CACNA2D3: variants seen among roughly 807,000 people sequenced by gnomAD.
CACNA2D3 encodes voltage-dependent calcium channel subunit alpha-2/delta-3.
Under a neutral mutation model 160.6 loss-of-function variants are expected in CACNA2D3, and 60 were observed. The observed-to-expected ratio is 0.37, with a 90% CI of 0.30 to 0.46. The LOEUF (loss-of-function observed/expected upper bound fraction) is 0.46, where lower values mean the gene tolerates loss of function less well. Ranked by LOEUF, CACNA2D3 falls within the 20% of genes least tolerant of loss-of-function variation. CACNA2D3 has a pLI of 1.00. For missense variants in CACNA2D3, 1,205 were observed against 1,365.0 expected (o/e 0.88, Z 1.85); for synonymous variants, 558 against 492.9 (o/e 1.13, Z -1.75).
chr3:54,304,581 T>A (rs1703554583), intron 2 of CACNA2D3, among the ~76,000 whole-genome samples: 1 of 152,204 alleles, frequency 6.6e-6, no homozygotes. Flanking sequence ...ATTAACATTT[T>A]TCCCCCTTCT....
intron 30 of CACNA2D3, among the ~76,000 whole-genome samples, chr3:54,986,430 GA>G (rs1173276516): frequency 6.6e-6 from 1 of 152,078 alleles, no homozygotes; most frequent in Admixed American, 6.5e-5. Context: ...TTACACACAC[GA>G]AATACAAATG....
At chr3:54,478,998 A>T (rs1041084887) in intron 4 of CACNA2D3, among the ~76,000 whole-genome samples, 2 of 151,394 alleles carry the variant, frequency 1.3e-5, no homozygotes, top group African/African-American at 2.4e-5. Flanking sequence ...CCCCACCCAG[A>T]TCTCACCTTG....
At chr3:54,864,963 C>T (rs139890279) in intron 17 of CACNA2D3, among the ~76,000 whole-genome samples, 184 of 152,306 alleles carry the variant, frequency 1.2e-3, no homozygotes, top group African/African-American at 4.3e-3. Flanking sequence ...GAAAATGAAA[C>T]GAGACACGTA....
intron 17 of CACNA2D3, among the ~76,000 whole-genome samples, chr3:54,867,628 G>A (rs138160949): frequency 2.9e-4 from 44 of 151,824 alleles, no homozygotes; most frequent in African/African-American, 1.0e-3. Flanking sequence ...CCTGATCCAG[G>A]TGCACACACC....
intron 4 of CACNA2D3, among the ~76,000 whole-genome samples, chr3:54,455,815 C>T (rs1428754392): frequency 6.6e-6 from 1 of 152,060 alleles, no homozygotes; most frequent in Admixed American, 6.6e-5. Flanking sequence ...TTTCCAGCAC[C>T]ATTTATTAAA....
intron 11 of CACNA2D3, among the ~76,000 whole-genome samples, chr3:54,717,861 C>T (rs895747084): frequency 3.0e-5 from 4 of 132,256 alleles, no homozygotes; most frequent in African/African-American, 8.6e-5. Context: ...GGTGTATGTG[C>T]GTGCGTGTGT....
At chr3:54,649,499 T>C (rs1699717983) in intron 11 of CACNA2D3, among the ~76,000 whole-genome samples, 1 of 152,230 alleles carries the variant, frequency 6.6e-6, no homozygotes, top group Non-Finnish European at 1.5e-5. Context: ...CTGGGTGGCT[T>C]ATAAACAACA....
intron 5 of CACNA2D3, among the ~76,000 whole-genome samples, chr3:54,551,402 T>C (rs1013498576): frequency 6.6e-5 from 10 of 152,208 alleles, no homozygotes; most frequent in Admixed American, 2.0e-4. Flanking sequence ...ATATCCAGTA[T>C]AGGTGCTAAA....
intron 27 of CACNA2D3, among the ~76,000 whole-genome samples, chr3:54,943,656 G>A (rs1026443703): frequency 6.6e-6 from 1 of 151,534 alleles, no homozygotes; most frequent in Non-Finnish European, 1.5e-5. Flanking sequence ...TTTCCCCCAT[G>A]TGTTTCATCA....
intron 2 of CACNA2D3, among the ~76,000 whole-genome samples, chr3:54,153,652 C>T (rs528233555): frequency 5.3e-5 from 8 of 152,152 alleles, no homozygotes; most frequent in Non-Finnish European, 1.0e-4. Flanking sequence ...ATCTCATGAA[C>T]TTTTAAACAT....
Position 55,073,803 on chromosome 3 carries a change from C to A in CACNA2D3, c.3127C>A (p.Leu1043Ile). The change falls in exon 37 of 38, where the codon CTA (leucine) becomes ATA (isoleucine). Residue 1043 changes from leucine to isoleucine, a missense_variant. Leu to Ile is a conservative substitution (Grantham distance 5, BLOSUM62 2). Around this residue, in one of 3 missense-constraint regions of CACNA2D3, gnomAD observed 911 missense variants for 1,002.2 expected, o/e 0.91. Transcript: ENST00000474759. ...TAATGAATCCCTTAAGTGTGAACGT[C>A]TAAAGGCCCAGAAGATCAGAAGGCG... is the stretch of plus-strand genomic sequence containing the variant. ...RYNESLKCER[L>I]KAQKIRRRPE... 3 of 1,613,776 alleles carry A rather than the reference C, an allele frequency of 1.9e-6. No individual in the cohort carries two copies. Among genetic ancestry groups the A allele is most frequent in the Non-Finnish European group, 2.5e-6 (3 of 1,179,758 alleles).
chr3:54,691,950 C>T (rs1700579791), intron 11 of CACNA2D3, among the ~76,000 whole-genome samples: 1 of 152,052 alleles, frequency 6.6e-6, no homozygotes, highest in South Asian at 2.1e-4. Flanking sequence ...CAGCTGATAA[C>T]TAGTTAAAGT....
chr3:54,991,047 A>G (rs987527529), intron 31 of CACNA2D3, among the ~76,000 whole-genome samples: 5 of 152,050 alleles, frequency 3.3e-5, no homozygotes, highest in African/African-American at 1.2e-4. Context: ...AGTAATAATC[A>G]TGGCTGCGTT....
At chr3:54,736,083 G>A (rs774879301) in intron 11 of CACNA2D3, among the ~76,000 whole-genome samples, 10,029 of 32,614 alleles carry the variant, frequency 0.31, 2,284 homozygotes, top group Non-Finnish European at 0.38. Flanking sequence ...ACATATATAT[G>A]TATGTGTATA....
chr3:54,537,944 G>T (rs925756421), intron 5 of CACNA2D3, among the ~76,000 whole-genome samples: 1 of 152,106 alleles, frequency 6.6e-6, no homozygotes, highest in Non-Finnish European at 1.5e-5. Context: ...ATCTGAGAGG[G>T]CTCGTGGTTC....
intron 4 of CACNA2D3, among the ~76,000 whole-genome samples, chr3:54,418,728 C>A (rs1699795113): frequency 6.6e-6 from 1 of 152,088 alleles, no homozygotes; most frequent in Non-Finnish European, 1.5e-5. Context: ...GAAGAGGATA[C>A]CCTCCCTACA....
intron 4 of CACNA2D3, among the ~76,000 whole-genome samples, chr3:54,482,823 T>C (rs551355041): frequency 2.6e-5 from 4 of 152,296 alleles, no homozygotes; most frequent in Admixed American, 6.5e-5. Flanking sequence ...CTGGAATTAC[T>C]ACAAGGGGAA....
intron 4 of CACNA2D3, among the ~76,000 whole-genome samples, chr3:54,472,259 ATGTAATCC>A (rs1473919907): frequency 1.3e-5 from 2 of 152,216 alleles, no homozygotes. Context: ...AAATCAATAA[ATGTAATCC>A]ATCACATAAA....
At chr3:54,685,862 T>C (rs1700440469) in intron 11 of CACNA2D3, among the ~76,000 whole-genome samples, 1 of 152,228 alleles carries the variant, frequency 6.6e-6, no homozygotes, top group Non-Finnish European at 1.5e-5. Flanking sequence ...ATCTGTGCTT[T>C]CCTACTATAA....
Sources: gnomAD v4.1 joint callset for allele counts (sites outside exome capture counted in the v4.1 genomes callset) on GRCh38, gnomAD v4.1.1 for gene constraint, gnomAD v4.1.1 regional missense constraint, MANE v1.5 for transcripts, NCBI Gene and HGNC (gene_info 2026-07-23, HGNC 2026-07-21) for gene names.